OTUD7A: variants seen among roughly 807,000 people sequenced by gnomAD.
OTUD7A encodes the protein OTU deubiquitinase 7A, also known as OTU domain-containing protein 7A.
In OTUD7A, 12 loss-of-function variants were observed where a neutral mutation model predicts 65.7. The ratio of observed to expected loss-of-function variants is 0.18; its 90% CI spans 0.12 to 0.30. OTUD7A has a LOEUF of 0.30. Ranked by LOEUF, OTUD7A falls within the 10% of genes least tolerant of loss-of-function variation. The probability of loss-of-function intolerance (pLI) is 1.00; values close to 1 mark genes in which losing one functional copy is unlikely to be tolerated. For synonymous variants in OTUD7A, 641 were observed against 586.3 expected (o/e 1.09, Z -1.35); for missense variants, 1,148 against 1,304.8 (o/e 0.88, Z 1.85).
At chr15:31,635,603 A>G (rs1463151217) in intron 3 of OTUD7A, among the ~76,000 whole-genome samples, 1 of 152,246 alleles carries the variant, frequency 6.6e-6, no homozygotes, top group Non-Finnish European at 1.5e-5. Flanking sequence ...TGGATGTTTT[A>G]GAAAGCAGAC....
At chr15:31,808,911 C>T (rs1217144119) in intron 1 of OTUD7A, among the ~76,000 whole-genome samples, 1 of 152,192 alleles carries the variant, frequency 6.6e-6, no homozygotes, top group Non-Finnish European at 1.5e-5. Flanking sequence ...GGGCTTGCTT[C>T]CTTTTACATT....
intron 1 of OTUD7A, among the ~76,000 whole-genome samples, chr15:31,753,084 T>C (rs1030583049): frequency 1.3e-5 from 2 of 152,310 alleles, no homozygotes; most frequent in African/African-American, 2.4e-5. Flanking sequence ...TACTTTTACA[T>C]TGTGCAAAAC....
At chr15:31,866,898 A>T (rs983182538) in intron 1 of OTUD7A, among the ~76,000 whole-genome samples, 5 of 152,236 alleles carry the variant, frequency 3.3e-5, no homozygotes, top group African/African-American at 9.7e-5. Flanking sequence ...TGGAATGAGA[A>T]GCATAAAGAA....
intron 1 of OTUD7A, among the ~76,000 whole-genome samples, chr15:31,774,525 A>G (rs1350408839): frequency 6.6e-6 from 1 of 152,190 alleles, no homozygotes; most frequent in Non-Finnish European, 1.5e-5. Flanking sequence ...TGAACTTGCC[A>G]CTCTGAAATA....
At chr15:31,830,809 G>A (rs138363128) in intron 1 of OTUD7A, among the ~76,000 whole-genome samples, 1 of 152,342 alleles carries the variant, frequency 6.6e-6, no homozygotes, top group African/African-American at 2.4e-5. Context: ...ATCACTCAGT[G>A]ACATCGTTGC....
chr15:31,815,755 G>A (rs747732760), intron 1 of OTUD7A, among the ~76,000 whole-genome samples: 8 of 152,226 alleles, frequency 5.3e-5, no homozygotes, highest in Non-Finnish European at 8.8e-5. Context: ...GGAATCCCAC[G>A]GGGGTTGTTT....
chr15:31,565,746 A>G (rs972189615), intron 4 of OTUD7A, among the ~76,000 whole-genome samples: 3 of 152,204 alleles, frequency 2.0e-5, no homozygotes, highest in African/African-American at 7.2e-5. Context: ...TTGAGAATTT[A>G]ATATAAGGCA....
chr15:31,563,417 A>G (rs746439095), intron 4 of OTUD7A, among the ~76,000 whole-genome samples: 12 of 152,200 alleles, frequency 7.9e-5, no homozygotes, highest in Admixed American at 3.3e-4. Flanking sequence ...AATCAGCAAG[A>G]GGGGCAAGAC....
intron 1 of OTUD7A, among the ~76,000 whole-genome samples, chr15:31,741,192 A>G (rs1229664933): frequency 6.6e-6 from 1 of 152,246 alleles, no homozygotes; most frequent in Non-Finnish European, 1.5e-5. Flanking sequence ...AAAGATAACT[A>G]GCAAATCCCC....
At position 31,484,531 on chromosome 15, in the gene OTUD7A, T is replaced by A; in HGVS notation, c.1565A>T (p.Asn522Ile). ...KDKTRADSVA[N>I]KLGSFSKTLG... ...CGTCTTGCTGAAGCTGCCCAGCTTG[T>A]TGGCCACGGAGTCGGCGCGCGTCTT... Residue 522 changes from asparagine to isoleucine, a missense_variant, in exon 13 of 13, where the codon AAC becomes ATC. Asn to Ile is a moderately radical substitution (Grantham distance 149). Around this residue, in one of 6 missense-constraint regions of OTUD7A, gnomAD observed 842 missense variants for 769.5 expected, o/e 1.09. Transcript: ENST00000307050. This position sits in a 1 kb window ranked among gnomAD's most constrained non-coding sequence, Gnocchi z 4.5. The A allele has an allele frequency of 6.2e-7, 1 of 1,611,130 alleles. No individual in the cohort carries two copies. Among genetic ancestry groups the A allele is most frequent in the South Asian group, 1.1e-5 (1 of 91,082 alleles).
At chr15:31,582,622 A>G (rs1324837103) in intron 3 of OTUD7A, among the ~76,000 whole-genome samples, 1 of 151,788 alleles carries the variant, frequency 6.6e-6, no homozygotes, top group Non-Finnish European at 1.5e-5. Flanking sequence ...TCTCATTTAT[A>G]TAACCATCAG....
At chr15:31,841,736 A>AATATACTCC (rs1897187623) in intron 1 of OTUD7A, among the ~76,000 whole-genome samples, 1 of 152,042 alleles carries the variant, frequency 6.6e-6, no homozygotes, top group Admixed American at 6.6e-5. Context: ...ATTAATCCAA[A>AATATACTCC]ATATACTCCA....
rs551196926 is a variant in OTUD7A at position 31,484,828 on chromosome 15, T to C, written c.1372-104A>G. On this transcript the variant is annotated intron_variant, in intron 12 of 12. Transcript: ENST00000307050. The surrounding 1 kb of genome is among the most constrained non-coding windows in gnomAD (Gnocchi z 4.5). ...CCCTGTGTTGCCGAGGCTAGGGCCC[T>C]GGACCTTCACTGTCCCAGTCCCCAC... 298 of 1,484,624 alleles carry C rather than the reference T, an allele frequency of 2.0e-4. 2 individuals carry two copies. In the African/African-American group the frequency reaches 3.8e-3, roughly 19 times the overall value. The allele number at this position is 1,484,624 out of a possible 1,614,324, so 92.0% of individuals were successfully genotyped here. A position where few individuals can be genotyped will look rare whatever the true frequency, so the allele number is the denominator to read the frequency against.
intron 1 of OTUD7A, among the ~76,000 whole-genome samples, chr15:31,731,372 T>C (rs372956611): frequency 1.4e-4 from 21 of 152,232 alleles, no homozygotes; most frequent in South Asian, 8.3e-4. Flanking sequence ...ATACAGACAA[T>C]AGAATATTAT....
chr15:31,710,149 G>A (rs1421727235), intron 1 of OTUD7A, among the ~76,000 whole-genome samples: 1 of 151,030 alleles, frequency 6.6e-6, no homozygotes, highest in East Asian at 1.9e-4. Flanking sequence ...ACAGCCATGA[G>A]TGATAGGATC....
intron 8 of OTUD7A, among the ~76,000 whole-genome samples, chr15:31,526,119 T>C (rs537862430): frequency 1.6e-3 from 246 of 152,290 alleles, no homozygotes; most frequent in Non-Finnish European, 3.1e-3. Context: ...GCCTGCATAG[T>C]GCATGTGGGG....
rs570709971 is a variant in OTUD7A at position 31,651,982 on chromosome 15, A to G, written c.151+3114T>C. On this transcript the variant is annotated intron_variant, in intron 3 of 12. Coordinates refer to ENST00000307050, the MANE Select transcript of OTUD7A (RefSeq NM_001382637.1). ...GAGTAGATAGAGGTAAGCAGATCCT[A>G]AAGTTCACATAGAAAGGCAAAAAAA... Among the ~76,000 whole-genome samples, 5 of 143,518 alleles carry G rather than the reference A, an allele frequency of 3.5e-5. No individual in the cohort carries two copies. In the South Asian group the frequency reaches 1.1e-3, roughly 32 times the overall value. The allele number at this position is 143,518 out of a possible 152,430, so 94.2% of individuals were successfully genotyped here.
chr15:31,725,508 T>C (rs1367888116), intron 1 of OTUD7A, among the ~76,000 whole-genome samples: 1 of 152,196 alleles, frequency 6.6e-6, no homozygotes, highest in Non-Finnish European at 1.5e-5. Flanking sequence ...GATGAGACTT[T>C]AGGATGTCTC....
intron 1 of OTUD7A, among the ~76,000 whole-genome samples, chr15:31,831,957 G>A (rs547059199): frequency 5.3e-5 from 8 of 152,194 alleles, no homozygotes; most frequent in South Asian, 2.1e-4. Context: ...GTTGCCTGGC[G>A]GAAGGGCTGG....
Sources: allele counts gnomAD v4.1 joint callset (sites outside exome capture counted in the v4.1 genomes callset), GRCh38; gene constraint gnomAD v4.1.1; regional missense constraint gnomAD v4.1.1; non-coding constraint Gnocchi (gnomAD v3.1); transcripts MANE v1.5; gene names NCBI Gene and HGNC (gene_info 2026-07-23, HGNC 2026-07-21).